The following STAC variants were observed in gnomAD, a reference collection of about 807,000 sequenced individuals.
The protein encoded by STAC is SH3 and cysteine rich domain, also known as SH3 and cysteine-rich domain-containing protein.
STAC carries 43 observed loss-of-function variants against 48.8 expected under a neutral mutation model. That is an observed-to-expected ratio of 0.88 (90% CI 0.69 to 1.14). The LOEUF (loss-of-function observed/expected upper bound fraction) is 1.14. Among genes scored for constraint, STAC ranks in the 50% most tolerant of loss-of-function variants. The pLI, the probability that STAC is intolerant of heterozygous loss-of-function variation, is 0.00. For missense variants in STAC, 497 were observed against 504.0 expected (o/e 0.99, Z 0.13); for synonymous variants, 193 against 179.5 (o/e 1.07, Z -0.60).
At chr3:36,475,229 T>C (rs56041708) in intron 2 of STAC, among the ~76,000 whole-genome samples, 20,432 of 152,108 alleles carry the variant, frequency 0.13, 1,479 homozygotes, top group Non-Finnish European at 0.16. Context: ...CAAAGAGAAG[T>C]AGCATGTGAA....
At chr3:36,430,860 C>T (rs1056095980) in intron 1 of STAC, among the ~76,000 whole-genome samples, 1 of 152,132 alleles carries the variant, frequency 6.6e-6, no homozygotes, top group Admixed American at 6.5e-5. Context: ...TACAAGGACA[C>T]CAGTCAGATC....
At chr3:36,491,682 T>A (rs1157202777) in intron 5 of STAC, among the ~76,000 whole-genome samples, 1 of 151,934 alleles carries the variant, frequency 6.6e-6, no homozygotes, top group African/African-American at 2.4e-5. Flanking sequence ...AGATAATTTG[T>A]CCCTCTCCGA....
At chr3:36,467,637 A>G (rs73067830) in intron 2 of STAC, among the ~76,000 whole-genome samples, 20,653 of 152,010 alleles carry the variant, frequency 0.14, 1,592 homozygotes, top group African/African-American at 0.21. Context: ...ACATAAAGGC[A>G]TTCATAGTAA....
intron 8 of STAC, among the ~76,000 whole-genome samples, chr3:36,525,520 G>C (rs1698910576): frequency 6.6e-6 from 1 of 152,102 alleles, no homozygotes; most frequent in Non-Finnish European, 1.5e-5. Flanking sequence ...TTCACCCTTA[G>C]GGAAAGGTAC....
chr3:36,492,654 GA>G (rs1297693289), intron 5 of STAC, among the ~76,000 whole-genome samples: 1 of 152,168 alleles, frequency 6.6e-6, no homozygotes, highest in Admixed American at 6.5e-5. Context: ...ACTTTAAAAA[GA>G]GAGTCAGGAT....
chr3:36,439,516 T>G (rs961056043), intron 1 of STAC, among the ~76,000 whole-genome samples: 1 of 152,362 alleles, frequency 6.6e-6, no homozygotes, highest in South Asian at 2.1e-4. Flanking sequence ...TTTTTCTGTG[T>G]GATGGTGTTT....
rs557626507 is a variant in STAC at position 36,491,672 on chromosome 3, A to G, written c.688-1479A>G. Among the ~76,000 whole-genome samples, 31 of 152,238 alleles carry G rather than the reference A, an allele frequency of 2.0e-4. No individual in the cohort carries two copies. The South Asian group carries it at 6.4e-3, about 32-fold the overall frequency. ...CTAGAGCTGGCTAGGAGAGCTAAGAAGATAATTTGTCCCTCTCCGATAAGA... is the reference window on the plus strand; with the variant it reads ...CTAGAGCTGGCTAGGAGAGCTAAGAGGATAATTTGTCCCTCTCCGATAAGA... On this transcript the variant is annotated intron_variant, in intron 5 of 10. Transcript: ENST00000273183.
At chr3:36,510,897 GTATATC>G in intron 8 of STAC, among the ~76,000 whole-genome samples, 1 of 152,028 alleles carries the variant, frequency 6.6e-6, no homozygotes, top group East Asian at 1.9e-4. Context: ...CATGGCACAT[GTATATC>G]TATGTAACAA....
At chr3:36,450,776 C>T (rs951942879) in intron 2 of STAC, among the ~76,000 whole-genome samples, 3 of 152,296 alleles carry the variant, frequency 2.0e-5, no homozygotes, top group East Asian at 1.9e-4. Context: ...CCACCTACCT[C>T]GGCCTCCCAA....
chr3:36,484,248 A>G (rs1697738599), intron 3 of STAC, among the ~76,000 whole-genome samples: 2 of 152,326 alleles, frequency 1.3e-5, no homozygotes, highest in South Asian at 4.1e-4. Flanking sequence ...CAGTGTAACG[A>G]CAAGGGACAC....
intron 1 of STAC, among the ~76,000 whole-genome samples, chr3:36,441,346 T>C (rs143086051): frequency 1.1e-4 from 17 of 152,300 alleles, no homozygotes; most frequent in Admixed American, 2.6e-4. Flanking sequence ...CATGCAGCAT[T>C]TAACTTTCTT....
At chr3:36,484,561 C>T (rs1226440867) in intron 3 of STAC, among the ~76,000 whole-genome samples, 1 of 152,172 alleles carries the variant, frequency 6.6e-6, no homozygotes, top group African/African-American at 2.4e-5. Context: ...TTTAGGCCTC[C>T]CTCTGAGGTC....
At chr3:36,398,334 A>G (rs942329039) in intron 1 of STAC, among the ~76,000 whole-genome samples, 1 of 135,068 alleles carries the variant, frequency 7.4e-6, no homozygotes, top group African/African-American at 2.6e-5. Flanking sequence ...AAAGAAAGAA[A>G]GAAAGAAAGA....
chr3:36,450,651 G>A (rs546476219), intron 2 of STAC, among the ~76,000 whole-genome samples: 8 of 152,056 alleles, frequency 5.3e-5, no homozygotes, highest in South Asian at 2.1e-4. Context: ...TCAGCCTCCC[G>A]AGCAGCTGGG....
intron 10 of STAC, among the ~76,000 whole-genome samples, chr3:36,530,486 TAATC>T (rs1376393926): frequency 6.6e-6 from 1 of 152,122 alleles, no homozygotes; most frequent in African/African-American, 2.4e-5. Context: ...TTGTCCCACT[TAATC>T]AACCATTGTA....
intron 8 of STAC, among the ~76,000 whole-genome samples, chr3:36,518,710 T>C (rs1403457175): frequency 6.6e-6 from 1 of 152,234 alleles, no homozygotes; most frequent in Non-Finnish European, 1.5e-5. Context: ...CCAGAATTTC[T>C]GGAGATGGGA....
chr3:36,435,495 A>T (rs556107285), intron 1 of STAC, among the ~76,000 whole-genome samples: 15 of 152,202 alleles, frequency 9.9e-5, no homozygotes, highest in African/African-American at 3.6e-4. Flanking sequence ...TGCTGGAGTA[A>T]GCTCCTGTAT....
At chr3:36,448,904 C>CT (rs1043088881) in intron 2 of STAC, among the ~76,000 whole-genome samples, 1 of 12,498 alleles carries the variant, frequency 8.0e-5, no homozygotes, top group East Asian at 1.4e-3. Context: ...ACAGTGAACC[C>CT]CCCCCCCCAC....
At chr3:36,539,987 G>A (rs1369347526) in intron 10 of STAC, among the ~76,000 whole-genome samples, 1 of 152,088 alleles carries the variant, frequency 6.6e-6, no homozygotes, top group East Asian at 1.9e-4. Context: ...TAGATTATCT[G>A]GATTATCAGG....
Sources: allele counts gnomAD v4.1 joint callset (sites outside exome capture counted in the v4.1 genomes callset), GRCh38; gene constraint gnomAD v4.1.1; transcripts MANE v1.5; gene names NCBI Gene and HGNC (gene_info 2026-07-23, HGNC 2026-07-21).